HIPK2: variants seen among roughly 807,000 people sequenced by gnomAD.
HIPK2 encodes the protein homeodomain interacting protein kinase 2.
A neutral mutation model predicts 113.7 loss-of-function variants in HIPK2; 27 were observed. The observed-to-expected ratio is 0.24, with a 90% confidence interval of 0.17 to 0.33. The LOEUF (loss-of-function observed/expected upper bound fraction) is 0.33. Among genes scored for constraint, HIPK2 ranks in the 10% least tolerant of loss-of-function variants. The pLI is 1.00. For synonymous variants in HIPK2, 631 were observed against 642.2 expected, an observed-to-expected ratio of 0.98 and a Z score of 0.26; for missense variants, 1,257 against 1,588.0, an observed-to-expected ratio of 0.79 and a Z score of 3.54.
intron 2 of HIPK2, among the ~76,000 whole-genome samples, chr7:139,637,902 G>A (rs963495433): frequency 3.3e-5 from 5 of 152,178 alleles, no homozygotes; most frequent in East Asian, 1.9e-4. Flanking sequence ...CGAGCAACCC[G>A]GCTCACACTC....
At chr7:139,599,886 T>C (rs1417104762) in intron 11 of HIPK2, among the ~76,000 whole-genome samples, 1 of 152,116 alleles carries the variant, frequency 6.6e-6, no homozygotes, top group Non-Finnish European at 1.5e-5. Context: ...CTGTACAATC[T>C]ACTTTTGGCA....
At chr7:139,637,880 C>G (rs1249096304) in intron 2 of HIPK2, among the ~76,000 whole-genome samples, 2 of 152,096 alleles carry the variant, frequency 1.3e-5, no homozygotes, top group Admixed American at 1.3e-4. Flanking sequence ...AGCTGAGGCT[C>G]AGAGAGGGGC....
At chr7:139,747,658 G>A (rs1346167256) in intron 1 of HIPK2, among the ~76,000 whole-genome samples, 1 of 152,176 alleles carries the variant, frequency 6.6e-6, no homozygotes, top group Non-Finnish European at 1.5e-5. Context: ...TGTGGCTGAG[G>A]ACAAGACCAC....
chr7:139,691,133 T>C (rs1794392707), intron 2 of HIPK2, among the ~76,000 whole-genome samples: 1 of 152,210 alleles, frequency 6.6e-6, no homozygotes, highest in South Asian at 2.1e-4. Flanking sequence ...GGGAAACCTC[T>C]TTTCTTTGGA....
At chr7:139,730,676 A>C (rs1348713326) in intron 1 of HIPK2, among the ~76,000 whole-genome samples, 6 of 152,162 alleles carry the variant, frequency 3.9e-5, no homozygotes, top group Non-Finnish European at 7.4e-5. Flanking sequence ...TTTCATTTAA[A>C]CTAAAAACTG....
chr7:139,656,185 C>A (rs554530775), intron 2 of HIPK2, among the ~76,000 whole-genome samples: 1 of 152,250 alleles, frequency 6.6e-6, no homozygotes, highest in South Asian at 2.1e-4. Flanking sequence ...TACCACCAGG[C>A]AGATGCATTC....
In HIPK2 at chr7:139,572,894, T is replaced by TCCCAG; in HGVS notation, c.*32_*33insCTGGG. The TCCCAG allele has an allele frequency of 1.8e-6, 1 of 554,278 alleles. No homozygotes were observed. The highest frequency in any genetic ancestry group is 3.3e-6 in the Non-Finnish European group (1 of 302,510). 34.3% of individuals were successfully genotyped at this position (554,278 alleles called of 1,614,324 possible). On this transcript the variant is annotated 3_prime_UTR_variant, in exon 15 of 15. Coordinates refer to ENST00000406875, the MANE Select transcript of HIPK2 (RefSeq NM_022740.5). ...CTCCCTCCTCCCTCGGGCCATTCTC[T>TCCCAG]CCCTCCCTCCCTCCCTCCCTCCCCT...
At chr7:139,763,375 T>C (rs1401975640) in intron 1 of HIPK2, among the ~76,000 whole-genome samples, 2 of 151,876 alleles carry the variant, frequency 1.3e-5, no homozygotes, top group Non-Finnish European at 2.9e-5. Flanking sequence ...GATGAGACAT[T>C]ATGGTGGCTT....
chr7:139,772,619 G>A (rs867222150), intron 1 of HIPK2, among the ~76,000 whole-genome samples: 5 of 151,954 alleles, frequency 3.3e-5, no homozygotes, highest in East Asian at 1.9e-4. Context: ...AAAGACTCTC[G>A]CTCCATTGCC....
intron 1 of HIPK2, among the ~76,000 whole-genome samples, chr7:139,745,604 T>C (rs1434877678): frequency 6.6e-6 from 1 of 152,188 alleles, no homozygotes; most frequent in Non-Finnish European, 1.5e-5. Context: ...ATTACCCCAC[T>C]GTTCTCCATC....
chr7:139,623,642 ACTAT>A (rs1444164811), intron 6 of HIPK2, among the ~76,000 whole-genome samples: 3 of 152,088 alleles, frequency 2.0e-5, no homozygotes, highest in Non-Finnish European at 4.4e-5. Context: ...TTAAAGAGGC[ACTAT>A]CTGTTTGTTG....
intron 1 of HIPK2, among the ~76,000 whole-genome samples, chr7:139,736,571 G>A (rs920025382): frequency 2.0e-5 from 3 of 152,182 alleles, no homozygotes; most frequent in African/African-American, 4.8e-5. Context: ...GGCCAGAGCT[G>A]ACCTGAAACA....
intron 1 of HIPK2, among the ~76,000 whole-genome samples, chr7:139,723,502 C>T (rs577373117): frequency 2.1e-4 from 32 of 152,304 alleles, no homozygotes; most frequent in African/African-American, 7.7e-4. Flanking sequence ...CCAACTCACA[C>T]AGTTTTTTAA....
At chr7:139,649,332 G>A (rs999052070) in intron 2 of HIPK2, among the ~76,000 whole-genome samples, 6 of 152,162 alleles carry the variant, frequency 3.9e-5, no homozygotes, top group Admixed American at 2.0e-4. Context: ...GAGCCCCGGT[G>A]CACACCCGCA....
intron 13 of HIPK2, 102 bp from the exon 14 acceptor site, chr7:139,575,390 G>T: frequency 7.4e-7 from 1 of 1,346,730 alleles, no homozygotes; most frequent in Non-Finnish European, 1.0e-6. Context: ...AGAAACATGT[G>T]CCTGAGGCCG....
At chr7:139,690,011 G>A (rs1193270499) in intron 2 of HIPK2, among the ~76,000 whole-genome samples, 1 of 150,274 alleles carries the variant, frequency 6.7e-6, no homozygotes, top group Non-Finnish European at 1.5e-5. Flanking sequence ...GGGGGCTGGG[G>A]GAGCCTCAAG....
intron 13 of HIPK2, among the ~76,000 whole-genome samples, chr7:139,579,118 G>A (rs1798584738): frequency 6.6e-6 from 1 of 152,224 alleles, no homozygotes; most frequent in African/African-American, 2.4e-5. Flanking sequence ...AGGGAATCCA[G>A]TCATTCGCCA....
rs998820274 is a variant in HIPK2 at position 139,620,504 on chromosome 7, G to A, written c.1679C>T (p.Thr560Met). 3.6e-5 allele frequency: 58 copies of A among 1,614,016 alleles called. No individual in the cohort carries two copies. The highest frequency in any genetic ancestry group is 4.4e-5 in the Non-Finnish European group (52 of 1,180,040). The change falls in exon 7 of 15, where the codon ACG (threonine) becomes ATG (methionine). Residue 560 changes from threonine to methionine, a missense_variant. By Grantham distance (81) the Thr-to-Met change is moderately conservative. Transcript: ENST00000406875. ...GAAAGGGGTTTTGCTCTGGTTCACC[G>A]TGTCATACATATTCACCCGACGCTT... ...ICKRRVNMYD[T>M]VNQSKTPFIT...
chr7:139,775,799 T>C (rs1218209666), intron 1 of HIPK2, among the ~76,000 whole-genome samples: 2 of 152,120 alleles, frequency 1.3e-5, no homozygotes, highest in Non-Finnish European at 2.9e-5. Flanking sequence ...ACCTTCCATA[T>C]GGATTTAAAA....
Sources: allele counts gnomAD v4.1 joint callset (sites outside exome capture counted in the v4.1 genomes callset), GRCh38; gene constraint gnomAD v4.1.1; transcripts MANE v1.5; gene names NCBI Gene and HGNC (gene_info 2026-07-23, HGNC 2026-07-21).